TOR1A: variants seen among roughly 807,000 people sequenced by gnomAD.
TOR1A encodes torsin-1A.
TOR1A carries 18 observed loss-of-function variants against 31.4 expected under a neutral mutation model. That is an observed-to-expected ratio of 0.57 (90% CI 0.40 to 0.85). The LOEUF (loss-of-function observed/expected upper bound fraction) is 0.85, where lower values mean the gene tolerates loss of function less well. TOR1A is among the 40% of genes least tolerant of loss of function. The pLI is 0.00. For missense variants in TOR1A, 375 were observed against 416.4 expected (o/e 0.90, Z 0.87); for synonymous variants, 168 against 165.9 (o/e 1.01, Z -0.10).
chr9:129,824,121 G>T lies in TOR1A; in HGVS notation c.-36C>A, dbSNP rs28384433. 1 of 1,540,502 alleles carries T rather than the reference G, an allele frequency of 6.5e-7. No individual in the cohort carries two copies. The highest frequency in any genetic ancestry group is 8.7e-7 in the Non-Finnish European group (1 of 1,148,662). On this transcript the variant is annotated 5_prime_UTR_variant, in exon 1 of 5. Transcript: ENST00000351698. ...GCGCCACCCTGCTTGTTCTCGCGCC[G>T]ACCGCGAACCGGTGCAGCCGCCAGA...
At chr9:129,815,467 G>A (rs1261051599) in intron 4 of TOR1A, among the ~76,000 whole-genome samples, 1 of 152,256 alleles carries the variant, frequency 6.6e-6, no homozygotes, top group Admixed American at 6.5e-5. Flanking sequence ...ATCTCAGATG[G>A]TGCTTGGAGT....
At position 129,822,777 on chromosome 9, in the gene TOR1A, ACG is replaced by A. The variant is rs1433153538; in HGVS notation, c.246_247del (p.Phe84TrpfsTer43). On this transcript the variant is annotated frameshift_variant, in exon 2 of 5. Coordinates refer to ENST00000351698, the MANE Select transcript of TOR1A (RefSeq NM_000113.3). LOFTEE classifies it high-confidence loss of function. ...CTTTGGGTTGTTTATGAAACCAAACACGGCATTTAAGATGATTTTCTTTGCAA... is the reference window on the plus strand; with the variant it reads ...CTTTGGGTTGTTTATGAAACCAAACAGCATTTAAGATGATTTTCTTTGCAA... 15 of 1,614,092 alleles carry A rather than the reference ACG, an allele frequency of 9.3e-6. No individual in the cohort carries two copies. The highest frequency in any genetic ancestry group is 1.3e-5 in the Non-Finnish European group (15 of 1,180,044).
At chr9:129,818,418 T>C in intron 4 of TOR1A, 102 bp downstream of exon 4, 3 of 1,570,176 alleles carry the variant, frequency 1.9e-6, no homozygotes, top group Non-Finnish European at 2.6e-6. Context: ...CATTTCTTTC[T>C]ACCCAGCTCC....
In TOR1A at chr9:129,818,733, C is replaced by A. The variant is rs1439484886; in HGVS notation, c.620+12G>T. ...TCGGGGCCCATCCATCATGTCCTAGCCCTGACCTTACCTGAGAAATATGAA... is the reference window on the plus strand; with the variant it reads ...TCGGGGCCCATCCATCATGTCCTAGACCTGACCTTACCTGAGAAATATGAA... On this transcript the variant is annotated intron_variant, in intron 3 of 4. Coordinates refer to ENST00000351698, the MANE Select transcript of TOR1A (RefSeq NM_000113.3). 3 of 1,613,614 alleles carry A rather than the reference C, an allele frequency of 1.9e-6. No individual in the cohort carries two copies. The highest frequency in any genetic ancestry group is 3.3e-5 in the Admixed American group (2 of 60,020).
At chr9:129,819,169 A>G (rs531073635) in intron 2 of TOR1A, among the ~76,000 whole-genome samples, 5 of 152,164 alleles carry the variant, frequency 3.3e-5, no homozygotes, top group Admixed American at 6.6e-5. Flanking sequence ...TATGTGGCAG[A>G]GCTGGGACCT....
rs2031267564 is a variant in TOR1A, at chr9:129,824,122, A to C, written c.-37T>G. On this transcript the variant is annotated 5_prime_UTR_variant, in exon 1 of 5. Coordinates refer to ENST00000351698, the MANE Select transcript of TOR1A (RefSeq NM_000113.3). ...CGCCACCCTGCTTGTTCTCGCGCCG[A>C]CCGCGAACCGGTGCAGCCGCCAGAC... The C allele has an allele frequency of 2.6e-6, 4 of 1,538,874 alleles. No individual in the cohort carries two copies. Among genetic ancestry groups the C allele is most frequent in the Non-Finnish European group, 3.5e-6 (4 of 1,148,076 alleles).
intron 1 of TOR1A, chr9:129,823,250 A>T (rs867857605): frequency 8.9e-6 from 3 of 336,496 alleles, no homozygotes; most frequent in Non-Finnish European, 1.7e-5. Flanking sequence ...GGCAGAACCC[A>T]CTTCGGAGGG....
Position 129,822,629 on chromosome 9 carries a change from A to C in TOR1A, c.396T>G (p.Phe132Leu), listed in dbSNP as rs1393890503. 2 of 1,614,116 alleles carry C rather than the reference A, an allele frequency of 1.2e-6. No individual in the cohort carries two copies. The highest frequency in any genetic ancestry group is 2.7e-5 in the African/African-American group (2 of 74,926). ...GGLNSDYVHL[F>L]VATLHFPHAS... Reference sequence around the variant, plus strand: ...CATGTGGAAAGTGCAATGTGGCCACAAACAGGTGGACATAGTCACTGTTCA... The same window carrying C: ...CATGTGGAAAGTGCAATGTGGCCACCAACAGGTGGACATAGTCACTGTTCA... Residue 132 changes from phenylalanine to leucine, a missense_variant, in exon 2 of 5, where the codon TTT becomes TTG. Transcript: ENST00000351698.
At chr9:129,822,885 AGCG>A in intron 1 of TOR1A, 39 bp from the exon 2 acceptor site, 1 of 1,614,062 alleles carries the variant, frequency 6.2e-7, no homozygotes, top group Non-Finnish European at 8.5e-7. Flanking sequence ...GGGAAGAAAC[AGCG>A]GCAAAATGTA....
At chr9:129,816,021 C>G (rs548782630) in intron 4 of TOR1A, among the ~76,000 whole-genome samples, 1 of 152,048 alleles carries the variant, frequency 6.6e-6, no homozygotes, top group East Asian at 1.9e-4. Flanking sequence ...CTCCAGGCCT[C>G]TCTCTTCCAC....
At chr9:129,817,844 A>AT (rs1359082516) in intron 4 of TOR1A, among the ~76,000 whole-genome samples, 2 of 132,744 alleles carry the variant, frequency 1.5e-5, no homozygotes, top group Non-Finnish European at 3.5e-5. Flanking sequence ...CTACCAAAAA[A>AT]AAAAAAAAAA....
chr9:129,822,915 A>T, intron 1 of TOR1A, 69 bp from the exon 2 acceptor site: 1 of 1,611,260 alleles, frequency 6.2e-7, no homozygotes, highest in Non-Finnish European at 8.5e-7. Flanking sequence ...TTTACAGCCC[A>T]TAAGAAAGCC....
In TOR1A at chr9:129,814,136, T is replaced by A; in HGVS notation, c.835A>T (p.Met279Leu). The A allele has an allele frequency of 6.2e-7, 1 of 1,614,180 alleles. No homozygotes were observed. The highest frequency in any genetic ancestry group is 8.5e-7 in the Non-Finnish European group (1 of 1,180,008). Residue 279 changes from methionine (M) to leucine (L), a missense_variant, in exon 5 of 5, where the codon ATG becomes TTG. Transcript: ENST00000351698. Reference sequence around the variant, plus strand: ...GACTGCATTTCCACTCGGATACACATTTTTAGGTGTTTGTATTCCAGGGGG... The same window carrying A: ...GACTGCATTTCCACTCGGATACACAATTTTAGGTGTTTGTATTCCAGGGGG... ...FLPLEYKHLK[M>L]CIRVEMQSRG... is the part of the protein sequence containing the mutation.
rs72755217 is a variant in TOR1A at position 129,814,233 on chromosome 9, G to A, written c.749-11C>T. On this transcript the variant is annotated splice_polypyrimidine_tract_variant and intron_variant, in intron 4 of 4. Transcript: ENST00000351698. ...TGTGCCAGAAGCCACCTGGGAAGAA[G>A]AAACAAGGTGCTGTTCATCCACATC... 4 of 1,614,026 alleles carry A rather than the reference G, an allele frequency of 2.5e-6. No individual in the cohort carries two copies. The African/African-American group carries it at 4.0e-5, about 16-fold the overall frequency.
intron 2 of TOR1A, among the ~76,000 whole-genome samples, chr9:129,820,500 A>G (rs1229064765): frequency 6.6e-6 from 1 of 152,226 alleles, no homozygotes; most frequent in Non-Finnish European, 1.5e-5. Flanking sequence ...CAAATGAGAA[A>G]ACTGAGGCAC....
In TOR1A at chr9:129,813,180, T is replaced by C. The variant is rs528175918; in HGVS notation, c.*792A>G. Reference sequence around the variant, plus strand: ...GAATGGACAGTGAAGGGCCACCTTTTGCAAAACGGAGTGACTGGCAAGTGA... The same window carrying C: ...GAATGGACAGTGAAGGGCCACCTTTCGCAAAACGGAGTGACTGGCAAGTGA... On this transcript the variant is annotated 3_prime_UTR_variant, in exon 5 of 5. Coordinates refer to ENST00000351698, the MANE Select transcript of TOR1A (RefSeq NM_000113.3). 1 of 152,592 alleles carries C rather than the reference T, an allele frequency of 6.6e-6. No homozygotes were observed. Among genetic ancestry groups the C allele is most frequent in the South Asian group, 2.1e-4 (1 of 4,832 alleles). 9.5% of individuals were successfully genotyped at this position (152,592 alleles called of 1,614,324 possible). A position where few individuals can be genotyped will look rare whatever the true frequency, so the allele number is the denominator to read the frequency against.
rs1162195345 is a variant in TOR1A, at chr9:129,813,671, GA to G, written c.*300del. 3 of 479,124 alleles carry G rather than the reference GA, an allele frequency of 6.3e-6. No individual in the cohort carries two copies. Among genetic ancestry groups the G allele is most frequent in the African/African-American group, 5.8e-5 (3 of 51,578 alleles). 29.7% of individuals were successfully genotyped at this position (479,124 alleles called of 1,614,324 possible). On this transcript the variant is annotated 3_prime_UTR_variant, in exon 5 of 5. Coordinates refer to ENST00000351698, the MANE Select transcript of TOR1A (RefSeq NM_000113.3). Reference sequence around the variant, plus strand: ...AACTTATTCATCCTTCCTTGAAACAGAAACACTTGGAATTAAAACATAATTT... The same window carrying G: ...AACTTATTCATCCTTCCTTGAAACAGAACACTTGGAATTAAAACATAATTT...
At position 129,813,725 on chromosome 9, in the gene TOR1A, T is replaced by A; in HGVS notation, c.*247A>T. 4 of 590,924 alleles carry A rather than the reference T, an allele frequency of 6.8e-6. No homozygotes were observed. The highest frequency in any genetic ancestry group is 1.2e-5 in the Non-Finnish European group (4 of 331,922). The allele number at this position is 590,924 out of a possible 1,614,324, so 36.6% of individuals were successfully genotyped here. A position where few individuals can be genotyped will look rare whatever the true frequency, so the allele number is the denominator to read the frequency against. ...AAAAAATCATGAGCCCTGCGATGAG[T>A]GGGCTGGGAGCTGGCTCCTTCCTTC... On this transcript the variant is annotated 3_prime_UTR_variant, in exon 5 of 5. Coordinates refer to ENST00000351698, the MANE Select transcript of TOR1A (RefSeq NM_000113.3).
At chr9:129,818,700 G>A (rs1419436802) in intron 3 of TOR1A, 45 bp downstream of exon 3, 2 of 1,613,854 alleles carry the variant, frequency 1.2e-6, no homozygotes, top group Non-Finnish European at 1.7e-6. Flanking sequence ...GAGCTCAGAG[G>A]CTTGGGCTCG....
Sources: gnomAD v4.1 joint callset for allele counts (sites outside exome capture counted in the v4.1 genomes callset) on GRCh38, gnomAD v4.1.1 for gene constraint, MANE v1.5 for transcripts, NCBI Gene and HGNC (gene_info 2026-07-23, HGNC 2026-07-21) for gene names.